Variants in KIAA2012 observed in about 807,000 individuals in gnomAD.
The protein encoded by KIAA2012 is uncharacterized protein KIAA2012.
A neutral mutation model predicts 150.6 loss-of-function variants in KIAA2012; 125 were observed. The ratio of observed to expected loss-of-function variants is 0.83; its 90% CI spans 0.72 to 0.96. The LOEUF is 0.96. Among genes scored for constraint, KIAA2012 ranks in the 40% least tolerant of loss-of-function variants. KIAA2012 has a pLI of 0.00. For missense variants in KIAA2012, 1,219 were observed against 1,354.9 expected (o/e 0.90, Z 1.57); for synonymous variants, 462 against 504.7 (o/e 0.92, Z 1.13).
At chr2:202,139,069 C>A (rs1433846775) in intron 13 of KIAA2012, among the ~76,000 whole-genome samples, 1 of 151,794 alleles carries the variant, frequency 6.6e-6, no homozygotes, top group East Asian at 1.9e-4. Flanking sequence ...AAACCAACCC[C>A]GTGTCTACTA....
intron 8 of KIAA2012, among the ~76,000 whole-genome samples, chr2:202,105,426 A>C (rs1690159533): frequency 6.6e-6 from 1 of 152,224 alleles, no homozygotes; most frequent in South Asian, 2.1e-4. Flanking sequence ...CCATGAGGTG[A>C]TAAAGATGTC....
At chr2:202,116,023 G>A (rs1020875475) in intron 11 of KIAA2012, 5 of 152,158 alleles carry the variant, frequency 3.3e-5, no homozygotes, top group African/African-American at 1.2e-4. Context: ...AGTTAACTTA[G>A]AAGGATACAT....
At chr2:202,112,302 C>T (rs981551606) in intron 10 of KIAA2012, among the ~76,000 whole-genome samples, 1 of 152,110 alleles carries the variant, frequency 6.6e-6, no homozygotes, top group African/African-American at 2.4e-5. Flanking sequence ...CATTGCTGAG[C>T]GTGTCTAGGT....
At chr2:202,125,005 G>A (rs926040508) in intron 11 of KIAA2012, among the ~76,000 whole-genome samples, 10 of 152,330 alleles carry the variant, frequency 6.6e-5, no homozygotes, top group African/African-American at 2.4e-4. Flanking sequence ...TGTAGGCAGA[G>A]GTTGCAGTGA....
rs1477476205 is a variant in KIAA2012, at chr2:202,100,425, C to T, written c.1131C>T (p.Thr377=). The part of the protein sequence containing the change: ...VASATGSRII[T]PGEVKKKKAP... ...CTGCCACTGGCTCCAGAATAATCAC[C>T]CCTGGGGAAGTGAAGAAGAAAAAGG... Residue 377 remains threonine, a synonymous_variant, in exon 7 of 24, where the codon ACC becomes ACT. Transcript: ENST00000498697. 1 of 1,550,356 alleles carries T rather than the reference C, an allele frequency of 6.5e-7. No homozygotes were observed. The highest frequency in any genetic ancestry group is 2.0e-5 in the Admixed American group (1 of 50,982).
chr2:202,103,209 A>C (rs1690096800), intron 8 of KIAA2012, 95 bp downstream of exon 8: 1 of 1,175,048 alleles, frequency 8.5e-7, no homozygotes. Flanking sequence ...GACGTTCCCT[A>C]TGGTCATCCC....
At chr2:202,203,121 C>T (rs1472021440) in intron 23 of KIAA2012, among the ~76,000 whole-genome samples, 7 of 152,080 alleles carry the variant, frequency 4.6e-5, no homozygotes, top group South Asian at 2.1e-4. Context: ...TTCAGAACCA[C>T]GTAAATCCAG....
chr2:202,109,801 C>T lies in KIAA2012; in HGVS notation c.1651+12C>T. 1 of 1,536,996 alleles carries T rather than the reference C, an allele frequency of 6.5e-7. No homozygotes were observed. ...GCCAGCAGCTCAAGGTAATCATTCC[C>T]AGAGTGCATAGACGCCCCCCACTGG... On this transcript the variant is annotated intron_variant, in intron 10 of 23. Coordinates refer to ENST00000498697, the MANE Select transcript of KIAA2012 (RefSeq NM_001277372.4).
chr2:202,202,932 A>G (rs975192097), intron 23 of KIAA2012, among the ~76,000 whole-genome samples: 5 of 113,714 alleles, frequency 4.4e-5, no homozygotes, highest in Admixed American at 9.4e-5. Context: ...GTCTCTTAAG[A>G]AAAAAAAAAA....
At chr2:202,123,821 C>T (rs185007164) in intron 11 of KIAA2012, among the ~76,000 whole-genome samples, 8 of 152,236 alleles carry the variant, frequency 5.3e-5, no homozygotes, top group Non-Finnish European at 7.4e-5. Context: ...CGATATCTCA[C>T]ACCTCCCTCT....
chr2:202,203,303 G>T (rs1418214496), intron 23 of KIAA2012, among the ~76,000 whole-genome samples: 1 of 152,042 alleles, frequency 6.6e-6, no homozygotes, highest in Non-Finnish European at 1.5e-5. Flanking sequence ...AATATATAAA[G>T]AATTTTATTA....
intron 2 of KIAA2012, among the ~76,000 whole-genome samples, chr2:202,088,436 T>C (rs919950246): frequency 1.2e-4 from 19 of 152,226 alleles, no homozygotes; most frequent in African/African-American, 4.6e-4. Flanking sequence ...AGTAAAATTA[T>C]TCAGAGAAGA....
chr2:202,145,745 TAC>T (rs990568272), intron 13 of KIAA2012, among the ~76,000 whole-genome samples: 1 of 140,238 alleles, frequency 7.1e-6, no homozygotes, highest in African/African-American at 2.7e-5. Context: ...AGTGCAGTGG[TAC>T]AGTCTCGGCC....
chr2:202,156,271 G>A (rs968840253), intron 14 of KIAA2012, among the ~76,000 whole-genome samples: 3 of 152,066 alleles, frequency 2.0e-5, no homozygotes, highest in East Asian at 1.9e-4. Context: ...TATTTGTTAC[G>A]AGTATTCAAA....
In KIAA2012 at chr2:202,103,035, C is replaced by T; in HGVS notation, c.1245C>T (p.Pro415=). ...AGAGCCAATTTAAAGCCAATGAGCCCCCAACAGAGCTCTTCATCTTACCGG... is the reference window on the plus strand; with the variant it reads ...AGAGCCAATTTAAAGCCAATGAGCCTCCAACAGAGCTCTTCATCTTACCGG... ...PLKSQFKANE[P]PTELFILPVE... is the part of the protein sequence containing the mutation. Residue 415 remains proline (P), a synonymous_variant, in exon 8 of 24, where the codon CCC becomes CCT. Transcript: ENST00000498697. The T allele has an allele frequency of 1.3e-6, 2 of 1,550,512 alleles. No homozygotes were observed. The highest frequency in any genetic ancestry group is 1.7e-6 in the Non-Finnish European group (2 of 1,146,976).
At chr2:202,178,643 T>G (rs1692047918) in intron 15 of KIAA2012, 1 of 152,528 alleles carries the variant, frequency 6.6e-6, no homozygotes, top group African/African-American at 2.4e-5. Context: ...AGGAAAGAAA[T>G]ACTCACAGAA....
Position 202,133,612 on chromosome 2 carries a change from C to T in KIAA2012, c.1832-4820C>T, listed in dbSNP as rs537048927. ...ATTTTCTAGATCTGTCTACTTGACT[C>T]CCTAGTTAGAGCTCCCAGGGGGATG... On this transcript the variant is annotated intron_variant, in intron 12 of 23. Transcript: ENST00000498697. Among the ~76,000 whole-genome samples, 8 of 152,282 alleles carry T rather than the reference C, an allele frequency of 5.3e-5. No individual in the cohort carries two copies. The South Asian group carries it at 1.7e-3, about 32-fold the overall frequency.
intron 1 of KIAA2012, 91 bp from the exon 2 acceptor site, chr2:202,074,800 T>C: frequency 7.5e-7 from 1 of 1,338,578 alleles, no homozygotes; most frequent in Non-Finnish European, 1.0e-6. Flanking sequence ...AATCAGTAAC[T>C]AAAAAAATGC....
At chr2:202,189,353 A>G (rs1203335685) in intron 18 of KIAA2012, among the ~76,000 whole-genome samples, 2 of 150,422 alleles carry the variant, frequency 1.3e-5, no homozygotes, top group African/African-American at 2.5e-5. Context: ...GTGCAGTGGC[A>G]TGATCTCGGC....
Sources: gnomAD v4.1 joint callset for allele counts (sites outside exome capture counted in the v4.1 genomes callset) on GRCh38, gnomAD v4.1.1 for gene constraint, MANE v1.5 for transcripts, NCBI Gene and HGNC (gene_info 2026-07-23, HGNC 2026-07-21) for gene names.